The following NAV1 variants were observed in gnomAD, a reference collection of about 807,000 sequenced individuals.
NAV1 encodes neuron navigator 1.
NAV1 carries 18 observed loss-of-function variants against 175.2 expected under a neutral mutation model. The ratio of observed to expected loss-of-function variants is 0.10; its 90% CI spans 0.07 to 0.15. The LOEUF is 0.15. NAV1 is among the 10% of genes least tolerant of loss of function. The pLI, the probability that NAV1 is intolerant of heterozygous loss-of-function variation, is 1.00. For synonymous variants in NAV1, 897 were observed against 978.7 expected, an observed-to-expected ratio of 0.92 and a Z score of 1.56; for missense variants, 1,731 against 2,436.6, an observed-to-expected ratio of 0.71 and a Z score of 6.10.
At chr1:201,804,580 A>T in intron 17 of NAV1, 83 bp downstream of exon 21, 2 of 126,286 alleles carry the variant, frequency 1.6e-5, no homozygotes, top group Non-Finnish European at 2.7e-5. Context: ...CCCTTCCCCT[A>T]AAAAAAAAAA....
In NAV1 at chr1:201,552,625, G is replaced by A. The variant is rs1665892188; in HGVS notation, c.-144+13283G>A. Among the ~76,000 whole-genome samples the A allele has an allele frequency of 2.6e-5, 4 of 152,188 alleles. No individual in the cohort carries two copies. The South Asian group carries it at 8.3e-4, about 31-fold the overall frequency. ...GCAATAATACTCAGGCCAGGGAATTGTGAAGATCATCCTAGAAGGTGTTAA... is the reference window on the plus strand; with the variant it reads ...GCAATAATACTCAGGCCAGGGAATTATGAAGATCATCCTAGAAGGTGTTAA... On this transcript the variant is annotated intron_variant, in intron 1 of 33. Transcript: ENST00000685211.
At chr1:201,571,529 C>T (rs1449610685) in intron 1 of NAV1, among the ~76,000 whole-genome samples, 1 of 152,184 alleles carries the variant, frequency 6.6e-6, no homozygotes, top group African/African-American at 2.4e-5. Context: ...AAACCAGTCC[C>T]CCACCATGAT....
chr1:201,806,188 T>C (rs945299363), intron 17 of NAV1, among the ~76,000 whole-genome samples: 1 of 152,020 alleles, frequency 6.6e-6, no homozygotes, highest in Non-Finnish European at 1.5e-5. Context: ...TTTCACCATC[T>C]CGGCCAGGCT....
intron 2 of NAV1, 66 bp downstream of exon 4, chr1:201,629,573 G>T: frequency 9.2e-7 from 1 of 1,091,772 alleles, no homozygotes; most frequent in African/African-American, 1.7e-5. Flanking sequence ...TGCCTAGATG[G>T]AAGAAGAAGT....
At chr1:201,799,548 G>GT (rs377306953) in intron 15 of NAV1, among the ~76,000 whole-genome samples, 1 of 152,208 alleles carries the variant, frequency 6.6e-6, no homozygotes, top group East Asian at 1.9e-4. Context: ...ATTCTGCAAC[G>GT]TATCATTTGC....
chr1:201,771,780 C>A (rs974537454), intron 3 of NAV1, among the ~76,000 whole-genome samples: 2 of 152,140 alleles, frequency 1.3e-5, no homozygotes, highest in African/African-American at 4.8e-5. Flanking sequence ...AACTAACAGA[C>A]AAGGATTGTA....
chr1:201,680,028 C>T (rs1427109468), intron 1 of NAV1, among the ~76,000 whole-genome samples: 2 of 152,136 alleles, frequency 1.3e-5, no homozygotes, highest in Admixed American at 6.5e-5. Flanking sequence ...AAAGGAATAC[C>T]TGAGGCTGGC....
intron 1 of NAV1, among the ~76,000 whole-genome samples, chr1:201,574,849 G>A (rs925713138): frequency 1.3e-5 from 2 of 152,192 alleles, no homozygotes; most frequent in East Asian, 1.9e-4. Flanking sequence ...GGAGAGCTGC[G>A]GGGCTTGTTG....
At chr1:201,764,576 T>TA (rs555845977) in intron 3 of NAV1, among the ~76,000 whole-genome samples, 132 of 152,332 alleles carry the variant, frequency 8.7e-4, no homozygotes, top group African/African-American at 3.2e-3. Context: ...CACTGGGAGT[T>TA]ACAGCTGTAA....
intron 2 of NAV1, among the ~76,000 whole-genome samples, chr1:201,611,589 A>G (rs1667847505): frequency 6.6e-6 from 1 of 152,176 alleles, no homozygotes; most frequent in Non-Finnish European, 1.5e-5. Flanking sequence ...GACTTGGGAC[A>G]AGTTACTTCC....
At chr1:201,696,187 G>A (rs1671182459) in intron 1 of NAV1, among the ~76,000 whole-genome samples, 2 of 152,308 alleles carry the variant, frequency 1.3e-5, no homozygotes, top group Middle Eastern at 3.4e-3. Flanking sequence ...GAGAGGGTGG[G>A]GTTGGGAGAG....
At chr1:201,783,476 G>A (rs777819389) in exon 7 of NAV1, 3 of 1,614,128 alleles carry the variant, frequency 1.9e-6, no homozygotes, top group Admixed American at 1.7e-5. Context: ...CAACAGTCTG[G>A]ATCTACCATC....
intron 1 of NAV1, among the ~76,000 whole-genome samples, chr1:201,655,990 AG>A (rs1285556506): frequency 6.6e-6 from 1 of 152,196 alleles, no homozygotes; most frequent in East Asian, 1.9e-4. Context: ...TAGAGATGGG[AG>A]GGCATGGAGA....
At chr1:201,621,763 G>A (rs1668177161), upstream of NAV1, among the ~76,000 whole-genome samples, 8 of 152,140 alleles carry the variant, frequency 5.3e-5, no homozygotes, top group Admixed American at 5.2e-4. Context: ...CTTTGATGTG[G>A]TACTTAGAAA....
chr1:201,815,023 G>A (rs2494116), intron 28 of NAV1, among the ~76,000 whole-genome samples: 62,225 of 140,472 alleles, frequency 0.44, 14,846 homozygotes, highest in Non-Finnish European at 0.54. Flanking sequence ...CTGGGTGACA[G>A]AGGGAGACTC....
chr1:201,612,481 G>A (rs677093), intron 2 of NAV1, among the ~76,000 whole-genome samples: 41,856 of 151,934 alleles, frequency 0.28, 7,427 homozygotes, highest in African/African-American at 0.5. Flanking sequence ...AAAATGAAAC[G>A]TCAGAAATTT....
intron 3 of NAV1, chr1:201,739,874 AAG>A (rs1673288747): frequency 7.8e-7 from 1 of 1,283,822 alleles, no homozygotes; most frequent in East Asian, 3.1e-5. Context: ...GTGGGGAGAA[AAG>A]GGAGCGGAGG....
chr1:201,670,118 G>A (rs1470092918), intron 1 of NAV1, among the ~76,000 whole-genome samples: 1 of 151,924 alleles, frequency 6.6e-6, no homozygotes, highest in East Asian at 1.9e-4. Flanking sequence ...CGGGCCGGGT[G>A]CGGTGGCTCA....
intron 2 of NAV1, among the ~76,000 whole-genome samples, chr1:201,606,230 G>T (rs1667672009): frequency 1.3e-5 from 2 of 152,170 alleles, no homozygotes; most frequent in African/African-American, 4.8e-5. Context: ...GCCAGGGATC[G>T]ACCAGGACCC....
Sources: allele counts gnomAD v4.1 joint callset (sites outside exome capture counted in the v4.1 genomes callset), GRCh38; gene constraint gnomAD v4.1.1; transcripts MANE v1.5; gene names NCBI Gene and HGNC (gene_info 2026-07-23, HGNC 2026-07-21).